The following POTEE variants were observed in gnomAD, a reference collection of about 807,000 sequenced individuals.
The protein encoded by POTEE is POTE ankyrin domain family member E.
Under a neutral mutation model 74.2 loss-of-function variants are expected in POTEE, and 21 were observed. The ratio of observed to expected loss-of-function variants is 0.28; its 90% CI spans 0.20 to 0.41. The LOEUF is 0.41. Among genes scored for constraint, POTEE ranks in the 10% least tolerant of loss-of-function variants. POTEE has a pLI of 1.00. For missense variants in POTEE, 525 were observed against 1,158.6 expected (o/e 0.45, Z 7.94); for synonymous variants, 211 against 432.8 (o/e 0.49, Z 6.36).
At chr2:131,240,083 CAT>C (rs1701238472) in intron 12 of POTEE, among the ~76,000 whole-genome samples, 2 of 142,444 alleles carry the variant, frequency 1.4e-5, no homozygotes, top group South Asian at 2.4e-4. Context: ...TTCACAAACA[CAT>C]GTATAACAAT....
chr2:131,220,909 C>T (rs1334337533), intron 4 of POTEE, among the ~76,000 whole-genome samples: 2 of 143,684 alleles, frequency 1.4e-5, no homozygotes, highest in Admixed American at 7.5e-5. Flanking sequence ...TGCAGTGAGC[C>T]GAGATCGCGC....
intron 10 of POTEE, among the ~76,000 whole-genome samples, chr2:131,237,800 C>G (rs1218288714): frequency 3.3e-5 from 5 of 152,292 alleles, no homozygotes; most frequent in Admixed American, 6.5e-5. Flanking sequence ...AAACTCTTTT[C>G]AAGTGAGGAA....
At chr2:131,226,733 T>G (rs1287906104) in intron 6 of POTEE, 90 bp from the exon 7 acceptor site, 4 of 1,585,712 alleles carry the variant, frequency 2.5e-6, no homozygotes, top group Non-Finnish European at 3.4e-6. Flanking sequence ...TGCGTGTAAG[T>G]CCATAAGATC....
chr2:131,224,574 T>G (rs557360336), intron 6 of POTEE, among the ~76,000 whole-genome samples: 3 of 150,834 alleles, frequency 2.0e-5, no homozygotes, highest in Non-Finnish European at 4.4e-5. Context: ...CAAGGCCAAT[T>G]TGGAAATTAG....
chr2:131,221,452 G>C (rs1475154523), intron 4 of POTEE, among the ~76,000 whole-genome samples: 3 of 152,138 alleles, frequency 2.0e-5, no homozygotes, highest in Admixed American at 6.5e-5. Flanking sequence ...ATTTGTAAGT[G>C]AAGTTTTTCC....
chr2:131,228,727 C>T (rs559328118), intron 8 of POTEE, among the ~76,000 whole-genome samples: 16 of 147,214 alleles, frequency 1.1e-4, no homozygotes, highest in South Asian at 6.3e-4. Context: ...TCTAGTTTAG[C>T]GGAAAGTCTT....
At chr2:131,260,908 ATCTC>A (rs1179735334) in intron 16 of POTEE, among the ~76,000 whole-genome samples, 2 of 109,370 alleles carry the variant, frequency 1.8e-5, no homozygotes, top group Non-Finnish European at 3.7e-5. Context: ...TTTATTTCAC[ATCTC>A]TCTCTCATAC....
chr2:131,212,315 AGGTTTGATT>A (rs1700375124), intron 2 of POTEE, among the ~76,000 whole-genome samples: 1 of 151,476 alleles, frequency 6.6e-6, no homozygotes, highest in Admixed American at 6.6e-5. Context: ...GGTCATTAGA[AGGTTTGATT>A]TTTCACTCGT....
chr2:131,217,446 G>A (rs1444543429), intron 2 of POTEE, among the ~76,000 whole-genome samples, 143 bp from the exon 3 acceptor site: 1 of 122,126 alleles, frequency 8.2e-6, no homozygotes, highest in Non-Finnish European at 1.7e-5. Context: ...GTCAGCCCGA[G>A]CTCCCAGCTG....
At position 131,209,744 on chromosome 2, in the gene POTEE, G is replaced by A. The variant is rs1186386952; in HGVS notation, c.-420G>A. Among the ~76,000 whole-genome samples, 3 of 152,354 alleles carry A rather than the reference G, an allele frequency of 2.0e-5. No homozygotes were observed. Among genetic ancestry groups the A allele is most frequent in the African/African-American group, 7.2e-5 (3 of 41,576 alleles). ...CTGGAGGCTGGAGCCTGAGCCCCTGGGGCTCGCCTTGCTGTGTTTGGTGGT... is the reference window on the plus strand; with the variant it reads ...CTGGAGGCTGGAGCCTGAGCCCCTGAGGCTCGCCTTGCTGTGTTTGGTGGT... On this transcript the variant is annotated 5_prime_UTR_variant, in exon 1 of 18. Transcript: ENST00000683005.
At chr2:131,230,719 T>C in intron 8 of POTEE, 117 bp from the exon 9 acceptor site, 5 of 1,031,604 alleles carry the variant, frequency 4.8e-6, no homozygotes, top group Non-Finnish European at 7.1e-6. Context: ...GGGATAATAC[T>C]ATTAAGTTCT....
At chr2:131,221,263 G>A (rs1700608506) in intron 4 of POTEE, among the ~76,000 whole-genome samples, 1 of 152,078 alleles carries the variant, frequency 6.6e-6, no homozygotes, top group South Asian at 2.1e-4. Flanking sequence ...TGCATCCATA[G>A]GATGGACTAA....
chr2:131,211,045 G>C lies in POTEE; in HGVS notation c.-327G>C, dbSNP rs973265522. Among the ~76,000 whole-genome samples the C allele has an allele frequency of 3.9e-3, 572 of 145,160 alleles. 7 individuals are homozygous for C. The highest frequency in any genetic ancestry group is 0.012 in the South Asian group (56 of 4,664). ...CATTCTAGGCTTTTCTGGCTTTGCC[G>C]GTCTAGCTGCTCCAAGCCAGGCTGG... is the stretch of plus-strand genomic sequence containing the variant. On this transcript the variant is annotated 5_prime_UTR_variant, in exon 2 of 18. Transcript: ENST00000683005.
At position 131,263,800 on chromosome 2, in the gene POTEE, T is replaced by C. The variant is rs759552113; in HGVS notation, c.2345T>C (p.Met782Thr). ...GGCATCATCACCAACTGGGATGACA[T>C]GGAGAAGATCTGGCACCACACCTTC... ...EHGIITNWDD[M>T]EKIWHHTFYN... Residue 782 changes from methionine (M) to threonine (T), a missense_variant, in exon 18 of 18, where the codon ATG becomes ACG. Transcript: ENST00000683005. 1 of 1,613,556 alleles carries C rather than the reference T, an allele frequency of 6.2e-7. No individual in the cohort carries two copies. The highest frequency in any genetic ancestry group is 8.5e-7 in the Non-Finnish European group (1 of 1,179,958).
intron 9 of POTEE, among the ~76,000 whole-genome samples, chr2:131,235,812 A>AG (rs1473587537): frequency 6.6e-6 from 1 of 150,784 alleles, no homozygotes; most frequent in Non-Finnish European, 1.5e-5. Flanking sequence ...AAAAAAAAAA[A>AG]AGAAAGAAAA....
At chr2:131,225,196 T>A (rs1250311276) in intron 6 of POTEE, among the ~76,000 whole-genome samples, 1 of 152,096 alleles carries the variant, frequency 6.6e-6, no homozygotes, top group Admixed American at 6.5e-5. Context: ...CTAGGCTTTT[T>A]CTGAATATTT....
intron 2 of POTEE, among the ~76,000 whole-genome samples, chr2:131,216,578 A>G (rs1700446448): frequency 6.6e-6 from 1 of 151,758 alleles, no homozygotes; most frequent in African/African-American, 2.4e-5. Context: ...ACTCCTATGT[A>G]TACACCAAAA....
chr2:131,210,130 G>T (rs1195171344), intron 1 of POTEE, among the ~76,000 whole-genome samples: 88 of 146,518 alleles, frequency 6.0e-4, no homozygotes, highest in African/African-American at 2.2e-3. Context: ...TGGTTATTTG[G>T]AGCTACAATG....
At chr2:131,226,558 T>G (rs1306968196) in intron 6 of POTEE, among the ~76,000 whole-genome samples, 12 of 146,098 alleles carry the variant, frequency 8.2e-5, no homozygotes, top group African/African-American at 3.1e-4. Context: ...CAAATGCTGG[T>G]TTAGAAGCAA....
Sources: allele counts gnomAD v4.1 joint callset (sites outside exome capture counted in the v4.1 genomes callset), GRCh38; gene constraint gnomAD v4.1.1; transcripts MANE v1.5; gene names NCBI Gene and HGNC (gene_info 2026-07-23, HGNC 2026-07-21).